Variants in CNBD1 observed in about 807,000 individuals in gnomAD.
CNBD1 encodes the protein cyclic nucleotide-binding domain-containing protein 1.
In CNBD1, 71 loss-of-function variants were observed where a neutral mutation model predicts 54.4. The observed-to-expected ratio is 1.30, with a 90% confidence interval of 1.08 to 1.59. The LOEUF is 1.59. Among genes scored for constraint, CNBD1 ranks in the 40% most tolerant of loss-of-function variants. CNBD1 has a pLI of 0.00. For missense variants in CNBD1, 659 were observed against 518.0 expected, an observed-to-expected ratio of 1.27 and a Z score of -2.64; for synonymous variants, 182 against 170.7, an observed-to-expected ratio of 1.07 and a Z score of -0.51.
chr8:86,930,692 A>C (rs1586142499), intron 3 of CNBD1, among the ~76,000 whole-genome samples: 1 of 152,316 alleles, frequency 6.6e-6, no homozygotes, highest in East Asian at 1.9e-4. Flanking sequence ...GATATAGCGG[A>C]ATTACTCCCT....
intron 4 of CNBD1, among the ~76,000 whole-genome samples, chr8:87,012,685 G>A (rs1007765639): frequency 2.6e-5 from 4 of 151,996 alleles, no homozygotes; most frequent in African/African-American, 9.7e-5. Context: ...AATAAAACTT[G>A]GTCTCCACAG....
intron 3 of CNBD1, among the ~76,000 whole-genome samples, chr8:86,932,917 G>A (rs766127124): frequency 6.6e-5 from 10 of 151,910 alleles, no homozygotes; most frequent in Admixed American, 2.0e-4. Flanking sequence ...AAGCAGCAGC[G>A]GAAACACTTG....
intron 5 of CNBD1, among the ~76,000 whole-genome samples, chr8:87,210,685 G>T (rs1814078380): frequency 6.6e-6 from 1 of 152,132 alleles, no homozygotes; most frequent in African/African-American, 2.4e-5. Flanking sequence ...AAGCCTGTGG[G>T]CATGTAGACT....
chr8:87,200,501 A>G (rs1484771303), intron 4 of CNBD1, among the ~76,000 whole-genome samples: 1 of 152,148 alleles, frequency 6.6e-6, no homozygotes, highest in African/African-American at 2.4e-5. Flanking sequence ...TCAACAAAAT[A>G]GAAAAATTTA....
At chr8:87,387,632 C>T (rs1315608165), downstream of CNBD1, among the ~76,000 whole-genome samples, 1 of 152,178 alleles carries the variant, frequency 6.6e-6, no homozygotes, top group African/African-American at 2.4e-5. Context: ...AACAAAGACA[C>T]TTAGACTCCC....
At chr8:87,003,630 T>C (rs1379368991) in intron 4 of CNBD1, among the ~76,000 whole-genome samples, 5 of 152,166 alleles carry the variant, frequency 3.3e-5, no homozygotes, top group Admixed American at 3.3e-4. Flanking sequence ...TTTATTTTTT[T>C]TAAAGAGGGC....
chr8:87,081,311 C>A (rs910503588), intron 4 of CNBD1, among the ~76,000 whole-genome samples: 1 of 151,902 alleles, frequency 6.6e-6, no homozygotes, highest in African/African-American at 2.4e-5. Flanking sequence ...AATTTTCTAG[C>A]TATCTTTCTG....
At chr8:87,224,751 T>A (rs1262601105) in intron 5 of CNBD1, among the ~76,000 whole-genome samples, 38 of 150,932 alleles carry the variant, frequency 2.5e-4, no homozygotes, top group Admixed American at 8.6e-4. Flanking sequence ...CATATGAACT[T>A]TAAAGTAGTT....
intron 1 of CNBD1, among the ~76,000 whole-genome samples, chr8:86,880,762 A>G (rs1439376193): frequency 1.3e-5 from 2 of 150,932 alleles, no homozygotes; most frequent in African/African-American, 4.8e-5. Context: ...ATGAACAGCA[A>G]TGAAAAAATC....
At chr8:86,886,503 T>C (rs982933773) in intron 1 of CNBD1, among the ~76,000 whole-genome samples, 1 of 152,202 alleles carries the variant, frequency 6.6e-6, no homozygotes, top group Non-Finnish European at 1.5e-5. Flanking sequence ...TGCTTAAATT[T>C]CCCTTATTTC....
At chr8:87,428,434 T>G (rs138862792) in intron 2 of CNBD1, 129 of 301,732 alleles carry the variant, frequency 4.3e-4, no homozygotes, top group African/African-American at 2.4e-3. Flanking sequence ...TAGGGAAAAT[T>G]TAATTTTGTC....
chr8:87,346,474 C>G (rs1810178460), intron 8 of CNBD1, among the ~76,000 whole-genome samples: 1 of 151,082 alleles, frequency 6.6e-6, no homozygotes, highest in East Asian at 1.9e-4. Context: ...TCCAATTGGC[C>G]AATTATGAAT....
At chr8:87,149,549 C>T (rs538752472) in intron 4 of CNBD1, among the ~76,000 whole-genome samples, 3 of 152,274 alleles carry the variant, frequency 2.0e-5, no homozygotes, top group Non-Finnish European at 4.4e-5. Flanking sequence ...TTTTCACATG[C>T]TGCCCCCTAT....
At chr8:86,959,438 G>A (rs1263827352) in intron 4 of CNBD1, among the ~76,000 whole-genome samples, 1 of 152,222 alleles carries the variant, frequency 6.6e-6, no homozygotes, top group Non-Finnish European at 1.5e-5. Context: ...ATATCCTGAA[G>A]AGTGTTTTCC....
At chr8:87,396,450 G>A (rs968823712) in intron 2 of CNBD1, among the ~76,000 whole-genome samples, 1 of 151,820 alleles carries the variant, frequency 6.6e-6, no homozygotes, top group Non-Finnish European at 1.5e-5. Flanking sequence ...TTAAACATGT[G>A]TTATTTATAA....
At chr8:86,991,182 T>C (rs1014636786) in intron 4 of CNBD1, among the ~76,000 whole-genome samples, 23 of 152,124 alleles carry the variant, frequency 1.5e-4, no homozygotes, top group Admixed American at 7.2e-4. Context: ...CTTTATCTTA[T>C]GTGATTGCTC....
chr8:87,355,602 T>C (rs922854192), intron 10 of CNBD1, among the ~76,000 whole-genome samples: 2 of 152,056 alleles, frequency 1.3e-5, no homozygotes, highest in African/African-American at 4.8e-5. Flanking sequence ...CATAATAGGA[T>C]ATTAAAGAAA....
chr8:87,223,592 T>C (rs1467456637), intron 5 of CNBD1, among the ~76,000 whole-genome samples: 5 of 152,208 alleles, frequency 3.3e-5, no homozygotes, highest in South Asian at 2.1e-4. Flanking sequence ...TATGGCTACA[T>C]AGTGTTCCAT....
At chr8:87,308,976 T>C (rs1233370414) in intron 8 of CNBD1, among the ~76,000 whole-genome samples, 3 of 152,192 alleles carry the variant, frequency 2.0e-5, no homozygotes, top group Non-Finnish European at 4.4e-5. Flanking sequence ...CACATTTTCT[T>C]TATCCATTCA....
Sources: gnomAD v4.1 joint callset for allele counts (sites outside exome capture counted in the v4.1 genomes callset) on GRCh38, gnomAD v4.1.1 for gene constraint, MANE v1.5 for transcripts, NCBI Gene and HGNC (gene_info 2026-07-23, HGNC 2026-07-21) for gene names.